The following EPN1 variants were observed in gnomAD, a reference collection of about 807,000 sequenced individuals.
The protein encoded by EPN1 is epsin 1, also known as epsin-1.
A neutral mutation model predicts 56.9 loss-of-function variants in EPN1; 25 were observed. That is an observed-to-expected ratio of 0.44 (90% confidence interval 0.32 to 0.61). EPN1 has a LOEUF of 0.61. Ranked by LOEUF, EPN1 falls within the 20% of genes least tolerant of loss-of-function variation. The probability of loss-of-function intolerance (pLI) is 0.05; values close to 1 mark genes in which losing one functional copy is unlikely to be tolerated. For missense variants in EPN1, 785 were observed against 823.7 expected (o/e 0.95, Z 0.58); for synonymous variants, 411 against 361.8 (o/e 1.14, Z -1.54).
Position 55,694,272 on chromosome 19 carries a change from G to T in EPN1, c.1265-454G>T. 2 of 156,332 alleles carry T rather than the reference G, an allele frequency of 1.3e-5. No individual in the cohort carries two copies. The highest frequency in any genetic ancestry group is 1.9e-4 in the East Asian group (1 of 5,384). 9.7% of individuals were successfully genotyped at this position (156,332 alleles called of 1,614,324 possible). A position where few individuals can be genotyped will look rare whatever the true frequency, so the allele number is the denominator to read the frequency against. On this transcript the variant is annotated intron_variant, in intron 9 of 10. Transcript: ENST00000270460. This position sits in a 1 kb window ranked among gnomAD's most constrained non-coding sequence, Gnocchi z 4.2. ...AAAATCAGACCTCTAGCCAACAGAT[G>T]TCTTCACGCTGGCCCGGAACACGTG...
intron 3 of EPN1, 147 bp downstream of exon 3, chr19:55,685,792 C>G (rs1986132435): frequency 3.7e-6 from 4 of 1,081,166 alleles, no homozygotes; most frequent in Non-Finnish European, 5.3e-6. Flanking sequence ...GCCCCTTGCT[C>G]TGGTCTCACT....
chr19:55,678,157 C>T (rs1985563573), intron 1 of EPN1, among the ~76,000 whole-genome samples: 1 of 152,076 alleles, frequency 6.6e-6, no homozygotes, highest in African/African-American at 2.4e-5. Flanking sequence ...GACGGAGGGC[C>T]TCCTGATGCG....
chr19:55,689,746 C>A lies in EPN1; in HGVS notation c.679-121C>A. The A allele has an allele frequency of 1.1e-6, 1 of 893,728 alleles. No homozygotes were observed. 55.4% of individuals were successfully genotyped at this position (893,728 alleles called of 1,614,324 possible). ...CCCATTTCATACATTGTCCGCATCCCATCGAATCCTTCAGCCGCTTTCGTT... is the reference window on the plus strand; with the variant it reads ...CCCATTTCATACATTGTCCGCATCCAATCGAATCCTTCAGCCGCTTTCGTT... On this transcript the variant is annotated intron_variant, in intron 5 of 10. Coordinates refer to ENST00000270460, the MANE Select transcript of EPN1 (RefSeq NM_001130072.2). This position sits in a 1 kb window ranked among gnomAD's most constrained non-coding sequence, Gnocchi z 5.7.
intron 1 of EPN1, chr19:55,677,364 G>A: frequency 1.5e-6 from 1 of 689,386 alleles, no homozygotes; most frequent in Non-Finnish European, 2.6e-6. Context: ...GATAAGAGCA[G>A]TGCGAGTGTC....
chr19:55,690,966 G>GC (rs1986504312), intron 6 of EPN1, among the ~76,000 whole-genome samples: 2 of 152,198 alleles, frequency 1.3e-5, no homozygotes, highest in Non-Finnish European at 2.9e-5. Flanking sequence ...CTCCTGCCCT[G>GC]CCCTGGACTC....
At position 55,689,780 on chromosome 19, in the gene EPN1, A is replaced by G; in HGVS notation, c.679-87A>G. On this transcript the variant is annotated intron_variant, in intron 5 of 10. Transcript: ENST00000270460. This position sits in a 1 kb window ranked among gnomAD's most constrained non-coding sequence, Gnocchi z 5.7. Reference sequence around the variant, plus strand: ...CTTCAGCCGCTTTCGTTGGGGTGGGAGGGGTTGCTGGGGCTTCCAGGCTGA... The same window carrying G: ...CTTCAGCCGCTTTCGTTGGGGTGGGGGGGGTTGCTGGGGCTTCCAGGCTGA... 1 of 1,228,638 alleles carries G rather than the reference A, an allele frequency of 8.1e-7. No individual in the cohort carries two copies. 76.1% of individuals were successfully genotyped at this position (1,228,638 alleles called of 1,614,324 possible).
At chr19:55,682,935 T>C (rs1985917198) in intron 2 of EPN1, among the ~76,000 whole-genome samples, 1 of 151,818 alleles carries the variant, frequency 6.6e-6, no homozygotes, top group Non-Finnish European at 1.5e-5. Flanking sequence ...TTTTGTATTT[T>C]TAGTAGAGAT....
chr19:55,685,959 C>T (rs1459895131), intron 3 of EPN1, among the ~76,000 whole-genome samples: 1 of 152,240 alleles, frequency 6.6e-6, no homozygotes, highest in African/African-American at 2.4e-5. Context: ...GGACAGGGCT[C>T]TGAGGGGACA....
At position 55,705,821 on chromosome 19, in the gene EPN1, A is replaced by T. The variant is rs1345065229; in HGVS notation, c.*10465A>T. ...TTGTTGTTGTGGGATATATATATAT[A>T]TATATATTTAGAGTGTTGTGGGATA... On this transcript the variant is annotated 3_prime_UTR_variant, in exon 11 of 11. Transcript: ENST00000270460. 1 of 123,322 alleles carries T rather than the reference A, an allele frequency of 8.1e-6. No individual in the cohort carries two copies. The highest frequency in any genetic ancestry group is 3.9e-5 in the African/African-American group (1 of 25,498). 7.6% of individuals were successfully genotyped at this position (123,322 alleles called of 1,614,324 possible). A position where few individuals can be genotyped will look rare whatever the true frequency, so the allele number is the denominator to read the frequency against.
At chr19:55,687,162 A>G (rs2122192255) in intron 3 of EPN1, among the ~76,000 whole-genome samples, 1 of 152,276 alleles carries the variant, frequency 6.6e-6, no homozygotes, top group East Asian at 1.9e-4. Flanking sequence ...ATCTTGGTGC[A>G]TTCTTTTCAT....
At position 55,688,721 on chromosome 19, in the gene EPN1, C is replaced by G. The variant is rs1242368883; in HGVS notation, c.479-149C>G. 1.2e-5 allele frequency: 15 copies of G among 1,200,704 alleles called. No individual in the cohort carries two copies. In the East Asian group the frequency reaches 3.4e-4, roughly 27 times the overall value. The allele number at this position is 1,200,704 out of a possible 1,614,324, so 74.4% of individuals were successfully genotyped here. A position where few individuals can be genotyped will look rare whatever the true frequency, so the allele number is the denominator to read the frequency against. ...AGCACCTGGCGTCTGGTCTCCGCCT[C>G]TCAGTCCTAGTCTTGGCCTGCAGAG... On this transcript the variant is annotated intron_variant, in intron 3 of 10. Coordinates refer to ENST00000270460, the MANE Select transcript of EPN1 (RefSeq NM_001130072.2).
chr19:55,692,829 G>C (rs1369643070), intron 8 of EPN1, 33 bp downstream of exon 8: 11 of 1,573,512 alleles, frequency 7.0e-6, no homozygotes, highest in Non-Finnish European at 8.7e-6. Flanking sequence ...GGAGCCCCGG[G>C]TGGGAGTGAG....
rs926182116 is a variant in EPN1, at chr19:55,703,787, A to G, written c.*8431A>G. On this transcript the variant is annotated 3_prime_UTR_variant, in exon 11 of 11. Transcript: ENST00000270460. ...GCATGAGATTTTTTTAATCTTGCCA[A>G]TTTTTGATGGATTTAAGTTTAAGCA... The G allele has an allele frequency of 3.3e-5, 5 of 152,164 alleles. No homozygotes were observed. The highest frequency in any genetic ancestry group is 1.2e-4 in the African/African-American group (5 of 41,426). The allele number at this position is 152,164 out of a possible 1,614,324, so 9.4% of individuals were successfully genotyped here. A position where few individuals can be genotyped will look rare whatever the true frequency, so the allele number is the denominator to read the frequency against.
chr19:55,706,662 A>AGGGG lies in EPN1; in HGVS notation c.*11306_*11307insGGGG, dbSNP rs1600118239. 1 of 123,866 alleles carries AGGGG rather than the reference A, an allele frequency of 8.1e-6. No individual in the cohort carries two copies. The highest frequency in any genetic ancestry group is 3.9e-5 in the African/African-American group (1 of 25,726). 7.7% of individuals were successfully genotyped at this position (123,866 alleles called of 1,614,324 possible). On this transcript the variant is annotated 3_prime_UTR_variant, in exon 11 of 11. Coordinates refer to ENST00000270460, the MANE Select transcript of EPN1 (RefSeq NM_001130072.2). ...GAAGGGGAAGGAAAAGGAAAGAAAG[A>AGGGG]AAAGAGGGGAAGGGAAGGGAGAGAT...
intron 1 of EPN1, among the ~76,000 whole-genome samples, chr19:55,676,340 A>G (rs2122152425): frequency 6.6e-6 from 1 of 152,352 alleles, no homozygotes; most frequent in African/African-American, 2.4e-5. Flanking sequence ...TTTTAATGTA[A>G]GAATTCTCTT....
At chr19:55,687,657 G>C (rs1038110009) in intron 3 of EPN1, among the ~76,000 whole-genome samples, 1 of 152,078 alleles carries the variant, frequency 6.6e-6, no homozygotes, top group Non-Finnish European at 1.5e-5. Context: ...CCTCACCTGT[G>C]CCCCACGCTG....
chr19:55,685,415 A>G lies in EPN1; in HGVS notation c.248A>G (p.Tyr83Cys), dbSNP rs377623578. The change falls in exon 3 of 11, where the codon TAC becomes TGC. Residue 83 changes from tyrosine to cysteine, a missense_variant. Physicochemically the swap from Tyr to Cys is radical, Grantham distance 194. Around this residue, in one of 2 missense-constraint regions of EPN1, gnomAD observed 135 missense variants for 218.7 expected, o/e 0.62. Coordinates refer to ENST00000270460, the MANE Select transcript of EPN1 (RefSeq NM_001130072.2). ...TCGCAGGCCATGACGCTGATGGAGT[A>G]CCTCATCAAGACCGGCTCGGAGCGC... The part of the protein sequence containing the change: ...HVYKAMTLME[Y>C]LIKTGSERVS... 1.2e-6 allele frequency: 2 copies of G among 1,611,236 alleles called. No individual in the cohort carries two copies. Among genetic ancestry groups the G allele is most frequent in the African/African-American group, 2.7e-5 (2 of 74,890 alleles).
At chr19:55,690,405 T>G (rs1312530932) in intron 6 of EPN1, among the ~76,000 whole-genome samples, 1 of 152,238 alleles carries the variant, frequency 6.6e-6, no homozygotes, top group Non-Finnish European at 1.5e-5. Flanking sequence ...GAACACTGTT[T>G]CTGTGGCGTC....
rs1266109208 is a variant in EPN1 at position 55,678,603 on chromosome 19, C to T, written c.-25C>T. The T allele has an allele frequency of 1.9e-6, 3 of 1,589,506 alleles. No individual in the cohort carries two copies. The highest frequency in any genetic ancestry group is 1.1e-5 in the South Asian group (1 of 88,250). On this transcript the variant is annotated 5_prime_UTR_variant, in exon 2 of 11. Coordinates refer to ENST00000270460, the MANE Select transcript of EPN1 (RefSeq NM_001130072.2). ...TCTCTCCACGCATCGGGGCCCTGTG[C>T]CCCTTGCTGCTGCAGCCGGGCACCA...
Sources: gnomAD v4.1 joint callset for allele counts (sites outside exome capture counted in the v4.1 genomes callset) on GRCh38, gnomAD v4.1.1 for gene constraint, gnomAD v4.1.1 regional missense constraint, Gnocchi (gnomAD v3.1) non-coding constraint, MANE v1.5 for transcripts, NCBI Gene and HGNC (gene_info 2026-07-23, HGNC 2026-07-21) for gene names.